The following ST8SIA6 variants were observed in gnomAD, a reference collection of about 807,000 sequenced individuals.
ST8SIA6 encodes ST8 alpha-N-acetyl-neuraminide alpha-2,8-sialyltransferase 6.
A neutral mutation model predicts 33.6 loss-of-function variants in ST8SIA6; 39 were observed. That is an observed-to-expected ratio of 1.16 (90% CI 0.90 to 1.52). The LOEUF is 1.52. Ranked by LOEUF, ST8SIA6 falls within the 40% of genes most tolerant of loss-of-function variation. The pLI, the probability that ST8SIA6 is intolerant of heterozygous loss-of-function variation, is 0.00. For synonymous variants in ST8SIA6, 172 were observed against 167.2 expected (o/e 1.03, Z -0.22); for missense variants, 441 against 443.8 (o/e 0.99, Z 0.06).
At chr10:17,394,337 G>A (rs1307831804) in intron 2 of ST8SIA6, among the ~76,000 whole-genome samples, 1 of 149,172 alleles carries the variant, frequency 6.7e-6, no homozygotes, top group East Asian at 2.0e-4. Context: ...TAGCTCTTGA[G>A]CTTTGGGATT....
At chr10:17,399,508 G>T (rs557907792) in intron 2 of ST8SIA6, among the ~76,000 whole-genome samples, 17 of 152,242 alleles carry the variant, frequency 1.1e-4, no homozygotes, top group Admixed American at 6.5e-4. Flanking sequence ...TGCTTAGTTG[G>T]CTTTTATTTG....
At chr10:17,426,080 C>T (rs955161175) in intron 2 of ST8SIA6, among the ~76,000 whole-genome samples, 1 of 152,146 alleles carries the variant, frequency 6.6e-6, no homozygotes, top group African/African-American at 2.4e-5. Context: ...CAGTCACATC[C>T]TCCCACAGGC....
chr10:17,361,088 G>A (rs568490239), intron 3 of ST8SIA6, among the ~76,000 whole-genome samples: 5 of 151,748 alleles, frequency 3.3e-5, no homozygotes, highest in African/African-American at 4.8e-5. Flanking sequence ...AAGTTAGAAG[G>A]GCTATATTCA....
chr10:17,333,696 T>G lies in ST8SIA6; in HGVS notation c.378-2144A>C, dbSNP rs1234861576. Among the ~76,000 whole-genome samples, 91 of 24,732 alleles carry G rather than the reference T, an allele frequency of 3.7e-3. 2 individuals carry two copies. The highest frequency in any genetic ancestry group is 9.5e-3 in the African/African-American group (52 of 5,492). The allele number at this position is 24,732 out of a possible 152,430, so 16.2% of individuals were successfully genotyped here. A position where few individuals can be genotyped will look rare whatever the true frequency, so the allele number is the denominator to read the frequency against. On this transcript the variant is annotated intron_variant, in intron 4 of 7. Coordinates refer to ENST00000377602, the MANE Select transcript of ST8SIA6 (RefSeq NM_001004470.3). ...GGATATATATATATATATATATATA[T>G]ATATATATATATATATATATATTTT...
intron 4 of ST8SIA6, among the ~76,000 whole-genome samples, chr10:17,352,374 G>A (rs140740867): frequency 1.3e-5 from 2 of 152,150 alleles, no homozygotes; most frequent in East Asian, 3.9e-4. Context: ...AAAAGAATAT[G>A]ATGATTAAAG....
chr10:17,450,732 G>A lies in ST8SIA6; in HGVS notation c.200+2827C>T, dbSNP rs547561055. Reference sequence around the variant, plus strand: ...GCTGGGATTACAGGCTTGAGCCTCCGTGCTCGGCCTACTTGGATAGCATCT... The same window carrying A: ...GCTGGGATTACAGGCTTGAGCCTCCATGCTCGGCCTACTTGGATAGCATCT... On this transcript the variant is annotated intron_variant, in intron 2 of 7. Coordinates refer to ENST00000377602, the MANE Select transcript of ST8SIA6 (RefSeq NM_001004470.3). Among the ~76,000 whole-genome samples, 13 of 152,326 alleles carry A rather than the reference G, an allele frequency of 8.5e-5. No individual in the cohort carries two copies. The East Asian group carries it at 1.9e-3, about 23-fold the overall frequency.
At position 17,435,979 on chromosome 10, in the gene ST8SIA6, G is replaced by A. The variant is rs577610338; in HGVS notation, c.200+17580C>T. Among the ~76,000 whole-genome samples the A allele has an allele frequency of 1.7e-4, 26 of 152,168 alleles. No homozygotes were observed. The South Asian group carries it at 2.7e-3, about 16-fold the overall frequency. On this transcript the variant is annotated intron_variant, in intron 2 of 7. Transcript: ENST00000377602. The stretch of plus-strand genomic sequence containing the variant: ...GGGACCAGCGGAGGGAAAGCATTCC[G>A]CACATAGCACCTGTTTCAAAAATTA...
intron 2 of ST8SIA6, among the ~76,000 whole-genome samples, chr10:17,434,772 T>G (rs1332939744): frequency 6.6e-6 from 1 of 151,762 alleles, no homozygotes; most frequent in African/African-American, 2.4e-5. Flanking sequence ...GAAAACTGAG[T>G]TGGTTAACTG....
intron 2 of ST8SIA6, among the ~76,000 whole-genome samples, chr10:17,414,687 G>T (rs1851551063): frequency 6.6e-6 from 1 of 152,182 alleles, no homozygotes; most frequent in African/African-American, 2.4e-5. Flanking sequence ...GTGCATGCAT[G>T]AGGGAGAGAG....
At chr10:17,388,537 A>G (rs1187923747) in intron 3 of ST8SIA6, among the ~76,000 whole-genome samples, 1 of 152,172 alleles carries the variant, frequency 6.6e-6, no homozygotes, top group African/African-American at 2.4e-5. Flanking sequence ...GAGAATTATT[A>G]TTAGGAAGAG....
At chr10:17,404,204 G>A (rs1305701835) in intron 2 of ST8SIA6, among the ~76,000 whole-genome samples, 2 of 152,092 alleles carry the variant, frequency 1.3e-5, no homozygotes. Context: ...GAACATACAG[G>A]TTAGATACTA....
At chr10:17,390,668 T>G (rs1850561533) in intron 2 of ST8SIA6, 48 bp from the exon 3 acceptor site, 1 of 1,454,370 alleles carries the variant, frequency 6.9e-7, no homozygotes, top group African/African-American at 1.4e-5. Context: ...AAATGAGAGC[T>G]TATAAGATAT....
intron 7 of ST8SIA6, among the ~76,000 whole-genome samples, chr10:17,322,569 CTT>C (rs1847994268): frequency 6.6e-6 from 1 of 152,094 alleles, no homozygotes; most frequent in Non-Finnish European, 1.5e-5. Flanking sequence ...GGAGTAAAAA[CTT>C]TGTATAAGAT....
chr10:17,377,321 T>G (rs1849952358), intron 3 of ST8SIA6, among the ~76,000 whole-genome samples: 1 of 152,200 alleles, frequency 6.6e-6, no homozygotes, highest in Non-Finnish European at 1.5e-5. Flanking sequence ...GGACTTGGTC[T>G]GCCTCCACCC....
chr10:17,365,987 T>C (rs1288568739), intron 3 of ST8SIA6, among the ~76,000 whole-genome samples: 1 of 152,194 alleles, frequency 6.6e-6, no homozygotes, highest in Non-Finnish European at 1.5e-5. Context: ...AGAGCTCAGC[T>C]CTGCTTGAAA....
At chr10:17,358,554 A>G (rs1269760590) in intron 4 of ST8SIA6, among the ~76,000 whole-genome samples, 1 of 151,996 alleles carries the variant, frequency 6.6e-6, no homozygotes, top group Middle Eastern at 3.4e-3. Flanking sequence ...TGGGATGTAC[A>G]GGAAAAAATC....
intron 2 of ST8SIA6, among the ~76,000 whole-genome samples, chr10:17,402,795 G>C (rs1158776989): frequency 2.0e-5 from 3 of 152,084 alleles, no homozygotes; most frequent in Admixed American, 1.3e-4. Flanking sequence ...GGAGTGGGGA[G>C]GGATAGCATT....
chr10:17,412,365 C>T (rs756956615), intron 2 of ST8SIA6, among the ~76,000 whole-genome samples: 1 of 152,122 alleles, frequency 6.6e-6, no homozygotes, highest in Non-Finnish European at 1.5e-5. Context: ...AATTATTAAT[C>T]CAATCAAAGG....
intron 3 of ST8SIA6, among the ~76,000 whole-genome samples, chr10:17,360,464 G>T (rs1472422589): frequency 6.6e-6 from 1 of 151,626 alleles, no homozygotes; most frequent in Non-Finnish European, 1.5e-5. Context: ...ATACATGAAA[G>T]ACTTTTTCTT....
Sources: allele counts gnomAD v4.1 joint callset (sites outside exome capture counted in the v4.1 genomes callset), GRCh38; gene constraint gnomAD v4.1.1; transcripts MANE v1.5; gene names NCBI Gene and HGNC (gene_info 2026-07-23, HGNC 2026-07-21).